Variants in CNTNAP2 observed in about 807,000 individuals in gnomAD.
CNTNAP2 encodes contactin-associated protein-like 2.
Under a neutral mutation model 155.2 loss-of-function variants are expected in CNTNAP2, and 98 were observed. That is an observed-to-expected ratio of 0.63 (90% CI 0.54 to 0.75). The LOEUF (loss-of-function observed/expected upper bound fraction) is 0.75. Ranked by LOEUF, CNTNAP2 falls within the 30% of genes least tolerant of loss-of-function variation. CNTNAP2 has a pLI of 0.00. For synonymous variants in CNTNAP2, 651 were observed against 631.2 expected (o/e 1.03, Z -0.47); for missense variants, 1,727 against 1,688.1 (o/e 1.02, Z -0.40).
At chr7:148,107,135 G>A (rs896795759) in intron 15 of CNTNAP2, among the ~76,000 whole-genome samples, 23 of 152,094 alleles carry the variant, frequency 1.5e-4, no homozygotes, top group Admixed American at 1.4e-3. Flanking sequence ...TAAATGTACC[G>A]AAATTACCTC....
chr7:146,163,282 G>A (rs1798253632), intron 1 of CNTNAP2, among the ~76,000 whole-genome samples: 1 of 151,408 alleles, frequency 6.6e-6, no homozygotes, highest in African/African-American at 2.4e-5. Flanking sequence ...TCATCTAAAA[G>A]GAAAGGGTGA....
intron 13 of CNTNAP2, among the ~76,000 whole-genome samples, chr7:147,880,223 C>T (rs920074726): frequency 2.0e-5 from 3 of 152,126 alleles, no homozygotes; most frequent in African/African-American, 7.2e-5. Flanking sequence ...GAGTCCCATA[C>T]ACAGAGAAGG....
At chr7:146,329,963 A>G (rs913525973) in intron 1 of CNTNAP2, among the ~76,000 whole-genome samples, 4 of 150,382 alleles carry the variant, frequency 2.7e-5, no homozygotes, top group South Asian at 4.2e-4. Flanking sequence ...CATTATGCTG[A>G]AATATTTTCT....
intron 1 of CNTNAP2, among the ~76,000 whole-genome samples, chr7:146,547,156 G>A (rs1038017132): frequency 1.3e-5 from 2 of 151,738 alleles, no homozygotes; most frequent in Non-Finnish European, 2.9e-5. Context: ...TACTCCCAAT[G>A]GCATCTTTGT....
chr7:148,386,835 T>C (rs1193785382), intron 22 of CNTNAP2, among the ~76,000 whole-genome samples: 1 of 151,576 alleles, frequency 6.6e-6, no homozygotes, highest in Non-Finnish European at 1.5e-5. Flanking sequence ...AAGAAGAAAC[T>C]CAGTAAGTAG....
At chr7:148,120,740 A>G (rs1804579258) in intron 16 of CNTNAP2, among the ~76,000 whole-genome samples, 1 of 152,166 alleles carries the variant, frequency 6.6e-6, no homozygotes, top group Admixed American at 6.5e-5. Context: ...TGAAACGTTC[A>G]AGACCCAGAT....
At chr7:146,565,348 G>A (rs12703823) in intron 1 of CNTNAP2, among the ~76,000 whole-genome samples, 8,209 of 151,986 alleles carry the variant, frequency 0.054, 312 homozygotes, top group Non-Finnish European at 0.086. Context: ...CTCCTCTTTA[G>A]GCATTTATTC....
At chr7:148,042,351 G>A (rs763926704) in intron 15 of CNTNAP2, among the ~76,000 whole-genome samples, 1 of 152,196 alleles carries the variant, frequency 6.6e-6, no homozygotes, top group Non-Finnish European at 1.5e-5. Context: ...TGGTTGCCAG[G>A]TTGCCAGGGC....
chr7:147,083,565 C>CAT (rs1428070444), intron 4 of CNTNAP2, among the ~76,000 whole-genome samples: 1 of 139,000 alleles, frequency 7.2e-6, no homozygotes, highest in Admixed American at 7.3e-5. Context: ...TATATATATA[C>CAT]ACATATATAT....
intron 3 of CNTNAP2, among the ~76,000 whole-genome samples, chr7:147,040,401 G>A (rs542845610): frequency 6.6e-6 from 1 of 151,752 alleles, no homozygotes; most frequent in East Asian, 1.9e-4. Flanking sequence ...CCCACCCCTG[G>A]TGGTAGGGAG....
chr7:146,140,803 G>A (rs1797865758), intron 1 of CNTNAP2, among the ~76,000 whole-genome samples: 1 of 152,028 alleles, frequency 6.6e-6, no homozygotes, highest in African/African-American at 2.4e-5. Flanking sequence ...TTTCATAGCG[G>A]AAACAAAGGG....
At chr7:146,515,100 G>A (rs1434615151) in intron 1 of CNTNAP2, among the ~76,000 whole-genome samples, 8 of 152,000 alleles carry the variant, frequency 5.3e-5, no homozygotes, top group Non-Finnish European at 1.2e-4. Flanking sequence ...TGGTGCTGCT[G>A]AACTGCCTTT....
chr7:147,489,685 G>A (rs780794738), intron 11 of CNTNAP2, among the ~76,000 whole-genome samples: 12 of 152,184 alleles, frequency 7.9e-5, no homozygotes, highest in South Asian at 4.1e-4. Flanking sequence ...GCATGATCTC[G>A]GTTCACTGCA....
At chr7:146,995,153 A>G (rs1916941) in intron 3 of CNTNAP2, among the ~76,000 whole-genome samples, 85,996 of 151,786 alleles carry the variant, frequency 0.57, 24,772 homozygotes, top group East Asian at 0.76. Context: ...TCGATTTGTG[A>G]TAAATGACAC....
At chr7:146,785,069 C>T (rs1802552924) in intron 2 of CNTNAP2, among the ~76,000 whole-genome samples, 1 of 151,370 alleles carries the variant, frequency 6.6e-6, no homozygotes, top group East Asian at 2.0e-4. Context: ...TCCTTGTGCT[C>T]AGGTGATCCT....
chr7:147,848,931 A>G (rs1196924555), intron 13 of CNTNAP2, among the ~76,000 whole-genome samples: 1 of 152,114 alleles, frequency 6.6e-6, no homozygotes, highest in Non-Finnish European at 1.5e-5. Context: ...GTGAGATCAG[A>G]GTCGGAAAAG....
chr7:147,402,962 A>AG (rs1563191202), intron 10 of CNTNAP2, among the ~76,000 whole-genome samples: 1 of 147,268 alleles, frequency 6.8e-6, no homozygotes, highest in African/African-American at 2.5e-5. Context: ...GAAAAAAAAA[A>AG]AAAAAAAAAC....
intron 21 of CNTNAP2, among the ~76,000 whole-genome samples, chr7:148,355,165 G>GTTTTTTT (rs1563055120): frequency 1.1e-4 from 3 of 27,802 alleles, no homozygotes; most frequent in African/African-American, 3.3e-4. Context: ...GCCGCCAGCT[G>GTTTTTTT]CTTTTTTTTT....
At chr7:147,205,372 G>A (rs929125869) in intron 8 of CNTNAP2, among the ~76,000 whole-genome samples, 3 of 151,966 alleles carry the variant, frequency 2.0e-5, no homozygotes, top group African/African-American at 7.3e-5. Flanking sequence ...TACACTTTAA[G>A]ATTATTTTTT....
Sources: allele counts gnomAD v4.1 joint callset (sites outside exome capture counted in the v4.1 genomes callset), GRCh38; gene constraint gnomAD v4.1.1; transcripts MANE v1.5; gene names NCBI Gene and HGNC (gene_info 2026-07-23, HGNC 2026-07-21).